Variants in TMEM74 observed in about 807,000 individuals in gnomAD.
The protein encoded by TMEM74 is transmembrane protein 74.
In TMEM74, 13 loss-of-function variants were observed where a neutral mutation model predicts 18.1. That is an observed-to-expected ratio of 0.72 (90% CI 0.47 to 1.14). TMEM74 has a LOEUF of 1.14. Ranked by LOEUF, TMEM74 falls within the 50% of genes most tolerant of loss-of-function variation. TMEM74 has a pLI of 0.00. For synonymous variants in TMEM74, 159 were observed against 146.6 expected (o/e 1.08, Z -0.61); for missense variants, 372 against 375.9 (o/e 0.99, Z 0.09).
At chr8:108,756,790 G>A (rs1332869077) in intron 1 of TMEM74, among the ~76,000 whole-genome samples, 2 of 121,454 alleles carry the variant, frequency 1.6e-5, no homozygotes, top group Non-Finnish European at 3.5e-5. Flanking sequence ...CAGGAGGGGA[G>A]GGAAGGGGAG....
intron 2 of TMEM74, among the ~76,000 whole-genome samples, chr8:108,611,231 G>A (rs1482297530): frequency 6.6e-6 from 1 of 152,152 alleles, no homozygotes; most frequent in Non-Finnish European, 1.5e-5. Flanking sequence ...AGTATAGGGT[G>A]TATATCTGCA....
At chr8:108,613,530 C>T (rs1278354139) in intron 2 of TMEM74, among the ~76,000 whole-genome samples, 2 of 152,208 alleles carry the variant, frequency 1.3e-5, no homozygotes, top group Admixed American at 6.5e-5. Context: ...AATCAGATTG[C>T]TGTCAAATCC....
intron 2 of TMEM74, among the ~76,000 whole-genome samples, chr8:108,611,953 C>G (rs1812338394): frequency 6.6e-6 from 1 of 152,150 alleles, no homozygotes; most frequent in African/African-American, 2.4e-5. Flanking sequence ...GAAGGGGAAT[C>G]AAACACATCC....
chr8:108,734,038 T>C (rs1018261469), intron 1 of TMEM74, among the ~76,000 whole-genome samples: 7 of 152,214 alleles, frequency 4.6e-5, no homozygotes, highest in Admixed American at 3.3e-4. Context: ...AAGCATTATT[T>C]CTGGGTGTGT....
At chr8:108,646,031 T>G (rs1320466884) in intron 2 of TMEM74, among the ~76,000 whole-genome samples, 1 of 152,082 alleles carries the variant, frequency 6.6e-6, no homozygotes, top group African/African-American at 2.4e-5. Flanking sequence ...AAAATTATTT[T>G]AAGAGAAATT....
At position 108,784,704 on chromosome 8, in the gene TMEM74, C is replaced by T; in HGVS notation, c.395G>A (p.Gly132Glu). Residue 132 changes from glycine to glutamate, a missense_variant, in exon 2 of 2, where the codon GGG becomes GAG. Gly to Glu is a moderately conservative substitution (Grantham distance 98, BLOSUM62 -2). Coordinates refer to ENST00000297459, the MANE Select transcript of TMEM74 (RefSeq NM_153015.3). The part of the protein sequence containing the change: ...QRNRSSPSAK[G>E]HNHPGELGWE... Reference sequence around the variant, plus strand: ...GCCAAGCTCCCCAGGGTGATTATGCCCTTTTGCTGATGGCGAGCTCCGGTT... The same window carrying T: ...GCCAAGCTCCCCAGGGTGATTATGCTCTTTTGCTGATGGCGAGCTCCGGTT... The T allele has an allele frequency of 6.2e-7, 1 of 1,614,146 alleles. No individual in the cohort carries two copies. The highest frequency in any genetic ancestry group is 8.5e-7 in the Non-Finnish European group (1 of 1,180,024).
At chr8:108,608,298 CAA>C (rs374774953) in intron 3 of TMEM74, among the ~76,000 whole-genome samples, 36 of 72,566 alleles carry the variant, frequency 5.0e-4, no homozygotes, top group Admixed American at 8.9e-4. Flanking sequence ...AAGACTCTGT[CAA>C]AAAAAAAAAA....
chr8:108,740,745 G>C (rs1055780830), intron 1 of TMEM74, among the ~76,000 whole-genome samples: 27 of 152,256 alleles, frequency 1.8e-4, no homozygotes, highest in Admixed American at 6.5e-5. Context: ...GCTGGGAAGG[G>C]GGTAAAATGT....
intron 1 of TMEM74, among the ~76,000 whole-genome samples, chr8:108,710,524 G>A (rs146242420): frequency 6.6e-6 from 1 of 152,206 alleles, no homozygotes; most frequent in Non-Finnish European, 1.5e-5. Context: ...GAAGGGAGTG[G>A]GTAGATGAGC....
chr8:108,758,626 G>A, intron 1 of TMEM74, among the ~76,000 whole-genome samples: 1 of 151,992 alleles, frequency 6.6e-6, no homozygotes, highest in East Asian at 1.9e-4. Flanking sequence ...GCTGATGGGA[G>A]AATAAATGAG....
intron 1 of TMEM74, among the ~76,000 whole-genome samples, chr8:108,705,251 G>T (rs2935796): frequency 6.6e-6 from 1 of 152,124 alleles, no homozygotes; most frequent in Admixed American, 6.5e-5. Flanking sequence ...ACCTAAAAGT[G>T]TGATGGAAGT....
At chr8:108,679,995 T>C (rs1313444411) in intron 1 of TMEM74, among the ~76,000 whole-genome samples, 1 of 152,110 alleles carries the variant, frequency 6.6e-6, no homozygotes, top group Admixed American at 6.6e-5. Context: ...CAGGAAGAAG[T>C]TGAATCTCTG....
intron 2 of TMEM74, among the ~76,000 whole-genome samples, chr8:108,643,712 A>G (rs1375817926): frequency 6.6e-6 from 1 of 152,060 alleles, no homozygotes; most frequent in Non-Finnish European, 1.5e-5. Flanking sequence ...TCTAAAAGAA[A>G]AAGAAAACGA....
chr8:108,776,367 C>T (rs910912852), downstream of TMEM74, among the ~76,000 whole-genome samples: 2 of 152,172 alleles, frequency 1.3e-5, no homozygotes, highest in African/African-American at 4.8e-5. Flanking sequence ...GTGGCAGGTG[C>T]CTGTAATCCC....
At chr8:108,754,768 C>CTG (rs1393322067) in intron 1 of TMEM74, among the ~76,000 whole-genome samples, 1 of 151,650 alleles carries the variant, frequency 6.6e-6, no homozygotes, top group East Asian at 2.0e-4. Context: ...CCATCTCAAG[C>CTG]TGAAGACACA....
In TMEM74 at chr8:108,726,576, C is replaced by T. The variant is rs149105888; in HGVS notation, n.119+60900G>A. On this transcript the variant is annotated intron_variant and non_coding_transcript_variant, in intron 1 of 3. Coordinates refer to the TMEM74 transcript ENST00000518838. The stretch of plus-strand genomic sequence containing the variant: ...TCAAATAAGTGTAAAAACATTGCAC[C>T]TGTTTGGGAGATTCACGAATCTTAT... 3.2e-3 allele frequency among the ~76,000 whole-genome samples: 487 copies of T among 152,150 alleles called. 1 individual carries two copies. Among genetic ancestry groups the T allele is most frequent in the African/African-American group, 0.011 (462 of 41,508 alleles).
At chr8:108,621,874 T>C (rs1379659773) in intron 2 of TMEM74, among the ~76,000 whole-genome samples, 1 of 152,116 alleles carries the variant, frequency 6.6e-6, no homozygotes, top group Non-Finnish European at 1.5e-5. Context: ...GCACAAAGCA[T>C]TTACAACAGA....
At chr8:108,621,954 A>C (rs879882520) in intron 2 of TMEM74, among the ~76,000 whole-genome samples, 16 of 152,202 alleles carry the variant, frequency 1.1e-4, no homozygotes, top group Admixed American at 1.0e-3. Context: ...TTGCCTTTTA[A>C]AATTTACATA....
chr8:108,743,499 G>A (rs1272658708), intron 1 of TMEM74, among the ~76,000 whole-genome samples: 1 of 152,114 alleles, frequency 6.6e-6, no homozygotes, highest in Non-Finnish European at 1.5e-5. Context: ...TAAAATATAT[G>A]CAAAGTGTTC....
Sources: gnomAD v4.1 joint callset for allele counts (sites outside exome capture counted in the v4.1 genomes callset) on GRCh38, gnomAD v4.1.1 for gene constraint, MANE v1.5 for transcripts, NCBI Gene and HGNC (gene_info 2026-07-23, HGNC 2026-07-21) for gene names.